The following NECTIN3 variants were observed in gnomAD, a reference collection of about 807,000 sequenced individuals.
NECTIN3 encodes nectin cell adhesion molecule 3, also known as nectin-3.
A neutral mutation model predicts 49.4 loss-of-function variants in NECTIN3; 8 were observed. The ratio of observed to expected loss-of-function variants is 0.16; its 90% CI spans 0.10 to 0.29. NECTIN3 has a LOEUF of 0.29. NECTIN3 is among the 10% of genes least tolerant of loss of function. NECTIN3 has a pLI of 1.00. For missense variants in NECTIN3, 581 were observed against 654.6 expected (o/e 0.89, Z 1.23); for synonymous variants, 277 against 241.1 (o/e 1.15, Z -1.38).
intron 7 of NECTIN3, among the ~76,000 whole-genome samples, chr3:111,179,276 A>G (rs1413216874): frequency 1.3e-5 from 2 of 152,110 alleles, no homozygotes; most frequent in Non-Finnish European, 2.9e-5. Context: ...ACCATCTCAG[A>G]CCTATCCCTG....
rs1270549766 is a variant in NECTIN3 at position 111,071,909 on chromosome 3, C to G, written c.-109C>G. 9 of 703,642 alleles carry G rather than the reference C, an allele frequency of 1.3e-5. No individual in the cohort carries two copies. The highest frequency in any genetic ancestry group is 3.7e-5 in the South Asian group (1 of 26,718). 43.6% of individuals were successfully genotyped at this position (703,642 alleles called of 1,614,324 possible). On this transcript the variant is annotated 5_prime_UTR_variant, in exon 1 of 6. Transcript: ENST00000485303. ...GCAGCGACGGCGCTAGAGCTGGGAG[C>G]TGGGGACGCGCGCGCCGGACCTTCC...
intron 7 of NECTIN3, among the ~76,000 whole-genome samples, chr3:111,186,394 A>C (rs1480622427): frequency 6.6e-6 from 1 of 152,132 alleles, no homozygotes; most frequent in Non-Finnish European, 1.5e-5. Flanking sequence ...GAGAGCCCAA[A>C]AATAAAGCTG....
chr3:111,164,085 A>T (rs901960096), intron 7 of NECTIN3, among the ~76,000 whole-genome samples: 2 of 152,180 alleles, frequency 1.3e-5, no homozygotes, highest in African/African-American at 4.8e-5. Context: ...TTTGTATTTC[A>T]TAATTGATAT....
At chr3:111,086,220 A>C (rs533038809) in intron 1 of NECTIN3, among the ~76,000 whole-genome samples, 113 of 152,196 alleles carry the variant, frequency 7.4e-4, no homozygotes, top group South Asian at 2.1e-3. Flanking sequence ...ATGTATTGCA[A>C]ATATCTTCTA....
exon 7 of NECTIN3, chr3:111,147,437 C>T (rs942512497): frequency 1.3e-6 from 2 of 1,533,310 alleles, no homozygotes; most frequent in African/African-American, 2.7e-5. Context: ...ACCACCTCCT[C>T]TGTATGAAGA....
intron 5 of NECTIN3, among the ~76,000 whole-genome samples, chr3:111,128,390 T>G (rs1204238473): frequency 6.6e-6 from 1 of 152,130 alleles, no homozygotes; most frequent in East Asian, 1.9e-4. Context: ...ATGTACTGAT[T>G]TAATTGATAA....
intron 7 of NECTIN3, among the ~76,000 whole-genome samples, chr3:111,155,940 T>C (rs1253103517): frequency 6.6e-6 from 1 of 152,178 alleles, no homozygotes; most frequent in Non-Finnish European, 1.5e-5. Context: ...GGGAGACTTA[T>C]CTCAGGCTAT....
At chr3:111,104,449 T>G (rs1407001381) in intron 1 of NECTIN3, among the ~76,000 whole-genome samples, 3 of 150,926 alleles carry the variant, frequency 2.0e-5, no homozygotes, top group Non-Finnish European at 4.4e-5. Flanking sequence ...GACTCCTGAA[T>G]AGCTGGGACT....
intron 7 of NECTIN3, among the ~76,000 whole-genome samples, chr3:111,167,695 G>A (rs569361512): frequency 1.2e-3 from 179 of 152,094 alleles, no homozygotes; most frequent in Non-Finnish European, 2.1e-3. Context: ...ACCTTTGGAG[G>A]TGAGTGGTCT....
downstream of NECTIN3, among the ~76,000 whole-genome samples, chr3:111,139,313 T>G (rs1025666408): frequency 1.3e-5 from 2 of 151,746 alleles, no homozygotes; most frequent in Non-Finnish European, 3.0e-5. Context: ...ATGTGATTGC[T>G]AGAAATAGCT....
intron 5 of NECTIN3, among the ~76,000 whole-genome samples, chr3:111,133,165 A>C (rs1285896251): frequency 1.3e-5 from 2 of 151,992 alleles, no homozygotes; most frequent in African/African-American, 4.8e-5. Context: ...ATTAATAGGT[A>C]AAATGGATAT....
rs1340215452 is a variant in NECTIN3, at chr3:111,144,984, TG to T, written c.1087del (p.Val363Ter). 1 of 1,536,570 alleles carries T rather than the reference TG, an allele frequency of 6.5e-7. No homozygotes were observed. The highest frequency in any genetic ancestry group is 2.4e-5 in the East Asian group (1 of 40,884). ...TTGCCCTTTTCATCATTGCTATCTTTGTGACTGTGCTGCTGACTCCTCGAAA... is the reference window on the plus strand; with the variant it reads ...TTGCCCTTTTCATCATTGCTATCTTTTGACTGTGCTGCTGACTCCTCGAAA... On this transcript the variant is annotated frameshift_variant, in exon 6 of 9. Coordinates refer to the NECTIN3 transcript ENST00000493615. LOFTEE classifies it high-confidence loss of function.
chr3:111,142,807 C>A (rs1042929830), intron 5 of NECTIN3, among the ~76,000 whole-genome samples: 3 of 151,462 alleles, frequency 2.0e-5, no homozygotes, highest in African/African-American at 4.8e-5. Context: ...TGAAAAAAAA[C>A]CTTTACGGTA....
intron 1 of NECTIN3, among the ~76,000 whole-genome samples, chr3:111,093,951 C>A (rs956620627): frequency 6.6e-6 from 1 of 152,096 alleles, no homozygotes; most frequent in African/African-American, 2.4e-5. Context: ...ATGTGAAACA[C>A]TTACTCTGTA....
chr3:111,125,397 G>A (rs1356529754), intron 4 of NECTIN3, among the ~76,000 whole-genome samples: 1 of 151,740 alleles, frequency 6.6e-6, no homozygotes, highest in Non-Finnish European at 1.5e-5. Flanking sequence ...CTTATTTGTT[G>A]TTTTTTTTGT....
chr3:111,142,071 G>A (rs1388398791), downstream of NECTIN3, among the ~76,000 whole-genome samples: 1 of 151,752 alleles, frequency 6.6e-6, no homozygotes, highest in Non-Finnish European at 1.5e-5. Flanking sequence ...AACAGTGTTG[G>A]GGCTAAATTA....
At chr3:111,109,343 A>G (rs999546294) in intron 1 of NECTIN3, among the ~76,000 whole-genome samples, 1 of 152,254 alleles carries the variant, frequency 6.6e-6, no homozygotes, top group Middle Eastern at 3.4e-3. Context: ...TTTTACCTCC[A>G]TTTGAAGGGG....
At chr3:111,113,528 A>T (rs567932122) in intron 2 of NECTIN3, among the ~76,000 whole-genome samples, 1 of 152,248 alleles carries the variant, frequency 6.6e-6, no homozygotes, top group African/African-American at 2.4e-5. Flanking sequence ...ATGTTGAGAG[A>T]TATTCTTTTA....
intron 7 of NECTIN3, among the ~76,000 whole-genome samples, chr3:111,154,271 A>G (rs2035055991): frequency 6.6e-6 from 1 of 152,108 alleles, no homozygotes; most frequent in African/African-American, 2.4e-5. Flanking sequence ...ATTTTATACA[A>G]TATGTTCTCT....
Sources: allele counts gnomAD v4.1 joint callset (sites outside exome capture counted in the v4.1 genomes callset), GRCh38; gene constraint gnomAD v4.1.1; transcripts MANE v1.5; gene names NCBI Gene and HGNC (gene_info 2026-07-23, HGNC 2026-07-21).